Variants in MSI2 observed in about 807,000 individuals in gnomAD.
The protein encoded by MSI2 is musashi RNA binding protein 2.
A neutral mutation model predicts 45.6 loss-of-function variants in MSI2; 17 were observed. The ratio of observed to expected loss-of-function variants is 0.37; its 90% CI spans 0.26 to 0.56. MSI2 has a LOEUF of 0.56. Ranked by LOEUF, MSI2 falls within the 20% of genes least tolerant of loss-of-function variation. MSI2 has a pLI of 0.77. For synonymous variants in MSI2, 156 were observed against 158.2 expected (o/e 0.99, Z 0.11); for missense variants, 293 against 444.2 (o/e 0.66, Z 3.06).
At chr17:57,620,183 C>G (rs900452529) in intron 9 of MSI2, among the ~76,000 whole-genome samples, 14 of 152,210 alleles carry the variant, frequency 9.2e-5, no homozygotes, top group Non-Finnish European at 4.4e-5. Context: ...ACTCTTCACT[C>G]TATCAGCTGT....
chr17:57,412,418 G>C (rs1260429413), intron 6 of MSI2, among the ~76,000 whole-genome samples: 1 of 152,144 alleles, frequency 6.6e-6, no homozygotes, highest in Non-Finnish European at 1.5e-5. Flanking sequence ...TTGAAACACT[G>C]TGATACTTGC....
In MSI2 at chr17:57,546,615, G is replaced by A. The variant is rs973277879; in HGVS notation, c.454+16891G>A. On this transcript the variant is annotated intron_variant, in intron 7 of 13. Coordinates refer to ENST00000284073, the MANE Select transcript of MSI2 (RefSeq NM_138962.4). ...GGCATGGTGATAAAGGCCTCTCCTG[G>A]GCAGCCAGGGACGACCAGGCTGTGG... Among the ~76,000 whole-genome samples, 3 of 152,170 alleles carry A rather than the reference G, an allele frequency of 2.0e-5. No individual in the cohort carries two copies. The South Asian group carries it at 6.2e-4, about 32-fold the overall frequency.
intron 7 of MSI2, among the ~76,000 whole-genome samples, chr17:57,594,813 G>C (rs947467669): frequency 2.6e-5 from 4 of 152,162 alleles, no homozygotes; most frequent in African/African-American, 9.7e-5. Context: ...GAGAAACTCG[G>C]CATCTTTGAG....
chr17:57,460,641 C>T (rs570532751), intron 6 of MSI2, among the ~76,000 whole-genome samples: 3 of 152,128 alleles, frequency 2.0e-5, no homozygotes, highest in African/African-American at 7.2e-5. Context: ...CAGCAGTTTG[C>T]AATGCCAGAA....
chr17:57,350,942 C>T (rs1450717874), intron 5 of MSI2, among the ~76,000 whole-genome samples: 1 of 152,112 alleles, frequency 6.6e-6, no homozygotes, highest in Non-Finnish European at 1.5e-5. Flanking sequence ...AAGGATGAAG[C>T]TCCTCAGGGT....
intron 6 of MSI2, among the ~76,000 whole-genome samples, chr17:57,438,748 A>G (rs974039780): frequency 6.6e-6 from 1 of 152,042 alleles, no homozygotes; most frequent in African/African-American, 2.4e-5. Flanking sequence ...ACCCATGGCA[A>G]TCCCAGTCTG....
intron 10 of MSI2, among the ~76,000 whole-genome samples, chr17:57,649,973 C>A (rs1911008933): frequency 6.6e-6 from 1 of 152,172 alleles, no homozygotes; most frequent in Non-Finnish European, 1.5e-5. Flanking sequence ...CTCCTTCAGC[C>A]CCTCTTCTCA....
intron 8 of MSI2, chr17:57,600,948 G>A (rs1905806185): frequency 6.6e-6 from 1 of 152,252 alleles, no homozygotes; most frequent in African/African-American, 2.4e-5. Flanking sequence ...GTTTGCCCAA[G>A]GTCACATGGT....
chr17:57,520,739 C>T (rs1193679976), intron 6 of MSI2, among the ~76,000 whole-genome samples: 3 of 152,146 alleles, frequency 2.0e-5, no homozygotes, highest in Admixed American at 6.5e-5. Flanking sequence ...CTGCAGCCTC[C>T]GCCTCCTGGG....
intron 7 of MSI2, among the ~76,000 whole-genome samples, chr17:57,572,163 T>C (rs141291656): frequency 6.6e-6 from 1 of 152,242 alleles, no homozygotes; most frequent in East Asian, 1.9e-4. Flanking sequence ...CTGGGAAGCA[T>C]GAAGGATTTG....
At chr17:57,304,271 C>T (rs1273270352) in intron 5 of MSI2, among the ~76,000 whole-genome samples, 3 of 148,556 alleles carry the variant, frequency 2.0e-5, no homozygotes, top group East Asian at 2.1e-4. Context: ...GCAGGAGAAT[C>T]GCTTGAACCC....
intron 5 of MSI2, among the ~76,000 whole-genome samples, chr17:57,330,476 G>A (rs942066377): frequency 6.6e-6 from 1 of 151,664 alleles, no homozygotes; most frequent in Non-Finnish European, 1.5e-5. Context: ...ATGGGGTTTC[G>A]CCATGTTGTC....
At chr17:57,669,494 A>G (rs1239224480) in intron 11 of MSI2, among the ~76,000 whole-genome samples, 3 of 152,228 alleles carry the variant, frequency 2.0e-5, no homozygotes, top group Non-Finnish European at 2.9e-5. Context: ...TCTTGCTAAT[A>G]GGGGAGACAG....
At chr17:57,581,443 C>A (rs1367985346) in intron 7 of MSI2, among the ~76,000 whole-genome samples, 3 of 152,150 alleles carry the variant, frequency 2.0e-5, no homozygotes, top group Non-Finnish European at 4.4e-5. Context: ...GATTCAAATC[C>A]TCCCAGTCCA....
intron 6 of MSI2, among the ~76,000 whole-genome samples, chr17:57,508,726 C>T (rs548402188): frequency 1.3e-4 from 20 of 152,276 alleles, no homozygotes; most frequent in African/African-American, 4.8e-4. Flanking sequence ...CAGATACGCG[C>T]GTGAGCCCGG....
intron 6 of MSI2, among the ~76,000 whole-genome samples, chr17:57,511,413 A>T (rs1398985471): frequency 6.6e-6 from 1 of 152,106 alleles, no homozygotes; most frequent in Non-Finnish European, 1.5e-5. Context: ...TTACCCAGAG[A>T]CACAGAGAAG....
chr17:57,501,973 C>G (rs1013590148), intron 6 of MSI2, among the ~76,000 whole-genome samples: 3 of 152,186 alleles, frequency 2.0e-5, no homozygotes, highest in Non-Finnish European at 4.4e-5. Context: ...CAGAGCTCAC[C>G]TCCAGGTTGC....
At chr17:57,490,454 G>A (rs924465291) in intron 6 of MSI2, among the ~76,000 whole-genome samples, 1 of 152,228 alleles carries the variant, frequency 6.6e-6, no homozygotes, top group African/African-American at 2.4e-5. Context: ...TCTAATCGGA[G>A]TTTGGGGGCT....
intron 12 of MSI2, among the ~76,000 whole-genome samples, chr17:57,676,737 C>T (rs965279450): frequency 2.0e-5 from 3 of 152,228 alleles, no homozygotes; most frequent in Non-Finnish European, 2.9e-5. Flanking sequence ...CATCCACCCA[C>T]GCCTCTGAAT....
Sources: allele counts gnomAD v4.1 joint callset (sites outside exome capture counted in the v4.1 genomes callset), GRCh38; gene constraint gnomAD v4.1.1; transcripts MANE v1.5; gene names NCBI Gene and HGNC (gene_info 2026-07-23, HGNC 2026-07-21).